Variants in TEX9 observed in about 807,000 individuals in gnomAD.
TEX9 encodes the protein testis expressed 9, also known as testis-expressed protein 9.
A neutral mutation model predicts 59.6 loss-of-function variants in TEX9; 74 were observed. That is an observed-to-expected ratio of 1.24 (90% CI 1.03 to 1.51). The LOEUF (loss-of-function observed/expected upper bound fraction) is 1.51, where lower values mean the gene tolerates loss of function less well. Ranked by LOEUF, TEX9 falls within the 40% of genes most tolerant of loss-of-function variation. The pLI, the probability that TEX9 is intolerant of heterozygous loss-of-function variation, is 0.00. For synonymous variants in TEX9, 186 were observed against 152.2 expected (o/e 1.22, Z -1.64); for missense variants, 522 against 447.8 (o/e 1.17, Z -1.49).
intron 1 of TEX9, among the ~76,000 whole-genome samples, chr15:56,314,624 C>G (rs181723318): frequency 6.6e-6 from 1 of 152,116 alleles, no homozygotes; most frequent in East Asian, 1.9e-4. Flanking sequence ...AAAGTATATT[C>G]TATTGATTTG....
chr15:56,430,847 T>C (rs1319077510), intron 12 of TEX9, among the ~76,000 whole-genome samples: 1 of 152,164 alleles, frequency 6.6e-6, no homozygotes, highest in South Asian at 2.1e-4. Context: ...TTAGATTTCC[T>C]ACACTAAAAG....
At chr15:56,372,039 A>G (rs1427283683) in intron 2 of TEX9, among the ~76,000 whole-genome samples, 1 of 152,146 alleles carries the variant, frequency 6.6e-6, no homozygotes, top group African/African-American at 2.4e-5. Flanking sequence ...CCCTTGCCTG[A>G]GTTTGAGCTT....
chr15:56,333,118 T>TC, intron 1 of TEX9, among the ~76,000 whole-genome samples: 1 of 152,186 alleles, frequency 6.6e-6, no homozygotes, highest in Admixed American at 6.6e-5. Context: ...ACAATCATAC[T>TC]CCAACTATTC....
chr15:56,410,790 C>G (rs1253793166), intron 9 of TEX9, among the ~76,000 whole-genome samples: 1 of 152,180 alleles, frequency 6.6e-6, no homozygotes, highest in Non-Finnish European at 1.5e-5. Flanking sequence ...AGAAGGAAGA[C>G]TGAAATGAGG....
At chr15:56,331,411 A>G (rs1196706724) in intron 1 of TEX9, among the ~76,000 whole-genome samples, 1 of 152,216 alleles carries the variant, frequency 6.6e-6, no homozygotes, top group African/African-American at 2.4e-5. Flanking sequence ...GCAACAAAGG[A>G]AGTCATAAAA....
intron 1 of TEX9, among the ~76,000 whole-genome samples, chr15:56,260,811 T>C (rs2465972): frequency 0.047 from 7,122 of 152,020 alleles, 234 homozygotes; most frequent in East Asian, 0.096. Context: ...AGAGGTTATG[T>C]AGGATTGATA....
chr15:56,369,041 G>A (rs1189388289), intron 2 of TEX9, among the ~76,000 whole-genome samples: 4 of 151,642 alleles, frequency 2.6e-5, no homozygotes, highest in Non-Finnish European at 4.4e-5. Context: ...CCAACTGTAG[G>A]TTAACTATAT....
chr15:56,365,991 A>G (rs1290805805), intron 2 of TEX9: 5 of 838,958 alleles, frequency 6.0e-6, no homozygotes, highest in Non-Finnish European at 7.7e-6. Context: ...TAGTTAGTTC[A>G]CTTGATAGTT....
At chr15:56,273,758 C>A (rs2044605295) in intron 1 of TEX9, among the ~76,000 whole-genome samples, 1 of 152,138 alleles carries the variant, frequency 6.6e-6, no homozygotes, top group South Asian at 2.1e-4. Flanking sequence ...TCTTTCCATT[C>A]TTTTCTAGCT....
chr15:56,429,791 A>C (rs2050520277), intron 12 of TEX9: 1 of 152,230 alleles, frequency 6.6e-6, no homozygotes. Flanking sequence ...TTTAGGGATA[A>C]CTGAAGTCAT....
intron 1 of TEX9, among the ~76,000 whole-genome samples, chr15:56,310,088 A>C (rs2045574226): frequency 6.6e-6 from 1 of 152,160 alleles, no homozygotes; most frequent in Non-Finnish European, 1.5e-5. Context: ...CAGGCACTTT[A>C]AGGGAGACTA....
At chr15:56,339,644 A>T (rs1176596461) in intron 1 of TEX9, among the ~76,000 whole-genome samples, 2 of 152,064 alleles carry the variant, frequency 1.3e-5, no homozygotes, top group East Asian at 3.9e-4. Context: ...AGTTCGAGAC[A>T]TTATGCACAG....
chr15:56,427,593 T>A lies in TEX9; in HGVS notation c.964-12T>A. The stretch of plus-strand genomic sequence containing the variant: ...TATTAAAAATATATGGCACTTTTTT[T>A]TCCTTGTGTAGGACATAGCAAATGA... On this transcript the variant is annotated splice_polypyrimidine_tract_variant and intron_variant, in intron 10 of 12. Coordinates refer to ENST00000352903, the Ensembl canonical transcript of TEX9. 1 of 1,480,860 alleles carries A rather than the reference T, an allele frequency of 6.8e-7. No homozygotes were observed. Among genetic ancestry groups the A allele is most frequent in the Non-Finnish European group, 9.0e-7 (1 of 1,109,880 alleles). 91.7% of individuals were successfully genotyped at this position (1,480,860 alleles called of 1,614,324 possible).
At chr15:56,267,760 G>A (rs935875928) in intron 1 of TEX9, among the ~76,000 whole-genome samples, 6 of 152,110 alleles carry the variant, frequency 3.9e-5, no homozygotes, top group East Asian at 1.9e-4. Flanking sequence ...GTCAGGTAGC[G>A]TGATGCCTCC....
chr15:56,339,787 G>T (rs572204794), intron 1 of TEX9, among the ~76,000 whole-genome samples: 1 of 152,000 alleles, frequency 6.6e-6, no homozygotes. Context: ...AATGGGATTA[G>T]TGCCCTTATA....
intron 9 of TEX9, among the ~76,000 whole-genome samples, chr15:56,404,903 G>A (rs1437762551): frequency 6.6e-6 from 1 of 152,126 alleles, no homozygotes; most frequent in African/African-American, 2.4e-5. Flanking sequence ...AACACCGCAT[G>A]TTCTCACTCA....
At chr15:56,380,494 A>T (rs1486663171) in intron 3 of TEX9, among the ~76,000 whole-genome samples, 1 of 152,124 alleles carries the variant, frequency 6.6e-6, no homozygotes, top group South Asian at 2.1e-4. Flanking sequence ...CTGTATGTTT[A>T]CTATTACCAG....
chr15:56,428,290 C>T (rs2050418378), intron 11 of TEX9, 77 bp from the exon 12 acceptor site: 6 of 1,011,638 alleles, frequency 5.9e-6, no homozygotes, highest in Admixed American at 5.3e-5. Flanking sequence ...ATTATCCACA[C>T]ATTTTTACAA....
intron 1 of TEX9, among the ~76,000 whole-genome samples, chr15:56,298,364 A>G (rs530012427): frequency 5.8e-4 from 88 of 152,348 alleles, no homozygotes; most frequent in Non-Finnish European, 8.5e-4. Context: ...TAATAGAAAT[A>G]TACTTTGATT....
Sources: allele counts gnomAD v4.1 joint callset (sites outside exome capture counted in the v4.1 genomes callset), GRCh38; gene constraint gnomAD v4.1.1; transcripts MANE v1.5; gene names NCBI Gene and HGNC (gene_info 2026-07-23, HGNC 2026-07-21).